GBGT1: variants seen among roughly 807,000 people sequenced by gnomAD.
GBGT1 encodes globoside alpha-1,3-N-acetylgalactosaminyltransferase 1 (FORS blood group).
In GBGT1, 18 loss-of-function variants were observed where a neutral mutation model predicts 20.9. The observed-to-expected ratio is 0.86, with a 90% confidence interval of 0.60 to 1.28. The LOEUF is 1.28. Among genes scored for constraint, GBGT1 ranks in the 50% most tolerant of loss-of-function variants. The probability of loss-of-function intolerance (pLI) is 0.00; values close to 1 mark genes in which losing one functional copy is unlikely to be tolerated. For synonymous variants in GBGT1, 168 were observed against 180.8 expected, an observed-to-expected ratio of 0.93 and a Z score of 0.57; for missense variants, 432 against 455.7, an observed-to-expected ratio of 0.95 and a Z score of 0.47.
At chr9:133,159,524 G>A (rs1411274862) in intron 3 of GBGT1, among the ~76,000 whole-genome samples, 1 of 152,230 alleles carries the variant, frequency 6.6e-6, no homozygotes, top group African/African-American at 2.4e-5. Flanking sequence ...GCAGGCCGGT[G>A]TGGTGGCTCA....
At position 133,155,231 on chromosome 9, in the gene GBGT1, G is replaced by A. The variant is rs1389534311; in HGVS notation, c.306C>T (p.His102=). 2 of 1,614,096 alleles carry A rather than the reference G, an allele frequency of 1.2e-6. No homozygotes were observed. Among genetic ancestry groups the A allele is most frequent in the South Asian group, 1.1e-5 (1 of 91,068 alleles). Residue 102 remains histidine, a synonymous_variant, in exon 6 of 7, where the codon CAC becomes CAT. Coordinates refer to ENST00000372040, the MANE Select transcript of GBGT1 (RefSeq NM_021996.6). ...EGTFNPELLQ[H]IYQPLNLTIG... is the part of the protein sequence containing the mutation. ...TGGTCAGGTTCAGTGGCTGGTAGAT[G>A]TGCTGCAGAAGCTCTGGGTTGAAGG...
intron 6 of GBGT1, 163 bp downstream of exon 6, chr9:133,155,007 CCCATCCCA>C: frequency 1.7e-6 from 1 of 598,310 alleles, no homozygotes; most frequent in South Asian, 2.1e-5. Flanking sequence ...CCAGGAAGCT[CCCATCCCA>C]CTATCACACC....
chr9:133,161,565 A>T lies in GBGT1; in HGVS notation c.72-33T>A, dbSNP rs36123769. ...TAAAAAAAAGAAAAAAAATCTGTTG[A>T]TCCACTCTGCACCAGAGGCTGAAAA... is the stretch of plus-strand genomic sequence containing the variant. On this transcript the variant is annotated intron_variant, in intron 2 of 6. Coordinates refer to ENST00000372040, the MANE Select transcript of GBGT1 (RefSeq NM_021996.6). 7,520 of 1,500,896 alleles carry T rather than the reference A, an allele frequency of 5.0e-3. 37 individuals carry two copies. Among genetic ancestry groups the T allele is most frequent in the South Asian group, 7.7e-3 (652 of 84,130 alleles). The allele number at this position is 1,500,896 out of a possible 1,614,324, so 93.0% of individuals were successfully genotyped here.
chr9:133,161,701 A>G (rs1375095301), intron 2 of GBGT1, among the ~76,000 whole-genome samples, 169 bp from the exon 3 acceptor site: 3 of 152,216 alleles, frequency 2.0e-5, no homozygotes, highest in African/African-American at 4.8e-5. Flanking sequence ...GCCTGCTGGT[A>G]TTCCTGGCAT....
In GBGT1 at chr9:133,154,724, G is replaced by A. The variant is rs1474718961; in HGVS notation, c.359+454C>T. The A allele has an allele frequency of 1.1e-5, 2 of 175,450 alleles. No homozygotes were observed. Among genetic ancestry groups the A allele is most frequent in the Non-Finnish European group, 2.4e-5 (2 of 83,382 alleles). The allele number at this position is 175,450 out of a possible 1,614,324, so 10.9% of individuals were successfully genotyped here. On this transcript the variant is annotated intron_variant, in intron 6 of 6. Transcript: ENST00000372040. The surrounding 1 kb of genome is among the most constrained non-coding windows in gnomAD (Gnocchi z 4.2). ...CCCTGCCCCCAGGCCAAAACTCATTGGACAAGGGGGTCACCTGACCCTAGG... is the reference window on the plus strand; with the variant it reads ...CCCTGCCCCCAGGCCAAAACTCATTAGACAAGGGGGTCACCTGACCCTAGG...
Position 133,160,166 on chromosome 9 carries a change from C to G in GBGT1, c.137+1301G>C, listed in dbSNP as rs575780838. The G allele has an allele frequency of 8.8e-5, 31 of 350,458 alleles. No individual in the cohort carries two copies. In the East Asian group the frequency reaches 3.8e-3, roughly 42 times the overall value. The allele number at this position is 350,458 out of a possible 1,614,324, so 21.7% of individuals were successfully genotyped here. On this transcript the variant is annotated intron_variant, in intron 3 of 6. Transcript: ENST00000372040. ...TTAGCGTGTGTGCCTGTAATCCCAG[C>G]TATTCAGGTGGCTGAGGCATGACAA...
At chr9:133,155,967 G>A (rs757706490) in intron 4 of GBGT1, 31 bp from the exon 5 acceptor site, 1 of 1,613,104 alleles carries the variant, frequency 6.2e-7, no homozygotes, top group South Asian at 1.1e-5. Context: ...TGATGGAGGA[G>A]AGCCACCACC....
chr9:133,155,157 C>G lies in GBGT1; in HGVS notation c.359+21G>C, dbSNP rs35636274. 3.7e-6 allele frequency: 6 copies of G among 1,610,326 alleles called. No homozygotes were observed. In the East Asian group the frequency reaches 1.3e-4, roughly 36 times the overall value. On this transcript the variant is annotated intron_variant, in intron 6 of 6. Coordinates refer to ENST00000372040, the MANE Select transcript of GBGT1 (RefSeq NM_021996.6). ...TGTGGCTCAGGGAGACCTCCCTCCC[C>G]TTCCCCAGCCCACTACTCACTTCCC...
chr9:133,162,786 C>T (rs1588593948), intron 1 of GBGT1, among the ~76,000 whole-genome samples: 1 of 152,252 alleles, frequency 6.6e-6, no homozygotes, highest in African/African-American at 2.4e-5. Context: ...CCACCCGCCT[C>T]GGCCTCCCAA....
At chr9:133,162,629 C>T (rs936745328) in intron 1 of GBGT1, 97 bp from the exon 2 acceptor site, 4 of 572,838 alleles carry the variant, frequency 7.0e-6, no homozygotes, top group South Asian at 2.0e-5. Flanking sequence ...GCAACCTCTT[C>T]TCTTGGGTTC....
At chr9:133,163,130 A>C (rs190495275) in intron 1 of GBGT1, 2 of 152,588 alleles carry the variant, frequency 1.3e-5, no homozygotes, top group Non-Finnish European at 2.9e-5. Flanking sequence ...GGAGGGGTGC[A>C]TGGGCCAGTC....
intron 3 of GBGT1, among the ~76,000 whole-genome samples, chr9:133,156,354 G>A (rs1734598204): frequency 6.6e-6 from 1 of 152,154 alleles, no homozygotes; most frequent in Non-Finnish European, 1.5e-5. Context: ...CTCGTTGTCG[G>A]AAAGAAGATG....
Position 133,153,539 on chromosome 9 carries a change from C to G in GBGT1, c.*38G>C. The G allele has an allele frequency of 6.9e-7, 1 of 1,447,328 alleles. No homozygotes were observed. The highest frequency in any genetic ancestry group is 9.3e-7 in the Non-Finnish European group (1 of 1,070,752). The allele number at this position is 1,447,328 out of a possible 1,614,324, so 89.7% of individuals were successfully genotyped here. ...TAGTGAAGCACTGGTGGCTGCAGGTCTTTGGGTCCCCATCCATGGCAACCC... is the reference window on the plus strand; with the variant it reads ...TAGTGAAGCACTGGTGGCTGCAGGTGTTTGGGTCCCCATCCATGGCAACCC... On this transcript the variant is annotated 3_prime_UTR_variant, in exon 7 of 7. Coordinates refer to ENST00000372040, the MANE Select transcript of GBGT1 (RefSeq NM_021996.6).
chr9:133,153,945 C>A lies in GBGT1; in HGVS notation c.676G>T (p.Ala226Ser), dbSNP rs748214866. 6.2e-7 allele frequency: 1 copy of A among 1,610,338 alleles called. No individual in the cohort carries two copies. ...ACGGCGTAGTAGCTTGGGTGAATGG[C>A]AGCCACCAGGTCTCCCAAGGTCTCA... is the stretch of plus-strand genomic sequence containing the variant. ...GPETLGDLVAAIHPSYYAVPR... is the reference protein window; with the variant it reads ...GPETLGDLVASIHPSYYAVPR... The change falls in exon 7 of 7, where the codon GCC (alanine) becomes TCC (serine). Residue 226 changes from alanine to serine, a missense_variant. Coordinates refer to ENST00000372040, the MANE Select transcript of GBGT1 (RefSeq NM_021996.6).
intron 3 of GBGT1, 106 bp from the exon 4 acceptor site, chr9:133,156,171 T>A (rs995218759): frequency 8.0e-6 from 10 of 1,246,316 alleles, no homozygotes; most frequent in Non-Finnish European, 1.1e-5. Context: ...GCACCCAGGG[T>A]CCATGCAGGC....
In GBGT1 at chr9:133,153,438, A is replaced by G. The variant is rs1832766244; in HGVS notation, c.*139T>C. 1.6e-6 allele frequency: 1 copy of G among 616,156 alleles called. No individual in the cohort carries two copies. The highest frequency in any genetic ancestry group is 2.8e-6 in the Non-Finnish European group (1 of 352,380). The allele number at this position is 616,156 out of a possible 1,614,324, so 38.2% of individuals were successfully genotyped here. Reference sequence around the variant, plus strand: ...GTGTGCACAGCCCTCTGCAGTTCACAGTGGCCTTTCCACGTCCCTTTTCCG... The same window carrying G: ...GTGTGCACAGCCCTCTGCAGTTCACGGTGGCCTTTCCACGTCCCTTTTCCG... On this transcript the variant is annotated 3_prime_UTR_variant, in exon 7 of 7. Coordinates refer to ENST00000372040, the MANE Select transcript of GBGT1 (RefSeq NM_021996.6).
chr9:133,156,025 G>A lies in GBGT1; in HGVS notation c.178C>T (p.Pro60Ser), dbSNP rs139796375. The A allele has an allele frequency of 3.2e-4, 514 of 1,614,028 alleles. 2 individuals are homozygous for A. The African/African-American group carries it at 6.0e-3, about 19-fold the overall frequency. The change falls in exon 4 of 7, where the codon CCC becomes TCC. Residue 60 changes from proline (P) to serine (S), a missense_variant. Transcript: ENST00000372040. ...TGCCAGTCTCCTTACCATACCACGG[G>A]CTGGAGTGGCTTCTCCCTCTTGTAG... ...LHYKREKPLQ[P>S]VVWSQYPQPK...
intron 3 of GBGT1, among the ~76,000 whole-genome samples, chr9:133,158,139 A>G (rs972546865): frequency 6.6e-6 from 1 of 151,150 alleles, no homozygotes; most frequent in Non-Finnish European, 1.5e-5. Flanking sequence ...GCAAGACTGC[A>G]TCTCAAAAAA....
At chr9:133,156,170 G>T in intron 3 of GBGT1, 105 bp from the exon 4 acceptor site, 4 of 1,247,586 alleles carry the variant, frequency 3.2e-6, no homozygotes, top group Non-Finnish European at 4.6e-6. Flanking sequence ...GGCACCCAGG[G>T]TCCATGCAGG....
Sources: gnomAD v4.1 joint callset for allele counts (sites outside exome capture counted in the v4.1 genomes callset) on GRCh38, gnomAD v4.1.1 for gene constraint, Gnocchi (gnomAD v3.1) non-coding constraint, MANE v1.5 for transcripts, NCBI Gene and HGNC (gene_info 2026-07-23, HGNC 2026-07-21) for gene names.